DDHD1: variants seen among roughly 807,000 people sequenced by gnomAD.
DDHD1 encodes DDHD domain containing 1, also known as phospholipase DDHD1.
Under a neutral mutation model 96.4 loss-of-function variants are expected in DDHD1, and 49 were observed. The ratio of observed to expected loss-of-function variants is 0.51; its 90% CI spans 0.40 to 0.64. The LOEUF is 0.64. Among genes scored for constraint, DDHD1 ranks in the 30% least tolerant of loss-of-function variants. The pLI, the probability that DDHD1 is intolerant of heterozygous loss-of-function variation, is 0.00. For synonymous variants in DDHD1, 442 were observed against 446.5 expected (o/e 0.99, Z 0.13); for missense variants, 1,106 against 1,161.2 (o/e 0.95, Z 0.69).
At position 53,153,135 on chromosome 14, in the gene DDHD1, G is replaced by A. The variant is rs1387123741; in HGVS notation, c.-37C>T. On this transcript the variant is annotated 5_prime_UTR_variant, in exon 1 of 13. Coordinates refer to ENST00000673822, the MANE Select transcript of DDHD1 (RefSeq NM_001160148.2). ...GCCGCCGGCTGTCCGGCGGCGCGCG[G>A]AGCCGTGACCCCCAGCGCTTCCGCC... 7.3e-7 allele frequency: 1 copy of A among 1,363,196 alleles called. No homozygotes were observed. The highest frequency in any genetic ancestry group is 9.4e-7 in the Non-Finnish European group (1 of 1,066,206). 84.4% of individuals were successfully genotyped at this position (1,363,196 alleles called of 1,614,324 possible). A position where few individuals can be genotyped will look rare whatever the true frequency, so the allele number is the denominator to read the frequency against.
chr14:53,070,975 T>C (rs1181706821), intron 6 of DDHD1, among the ~76,000 whole-genome samples: 1 of 152,158 alleles, frequency 6.6e-6, no homozygotes, highest in Non-Finnish European at 1.5e-5. Flanking sequence ...CAGCAACACA[T>C]CTGTTTCAGC....
rs1595268132 is a variant in DDHD1, at chr14:53,144,374, T to C, written c.838+7887A>G. On this transcript the variant is annotated intron_variant, in intron 1 of 12. Transcript: ENST00000673822. ...CAGGTACACTTGTCTCATATGGTGTTAGCCATATAAGAAAGGTTCATTTCA... is the reference window on the plus strand; with the variant it reads ...CAGGTACACTTGTCTCATATGGTGTCAGCCATATAAGAAAGGTTCATTTCA... 2.6e-5 allele frequency among the ~76,000 whole-genome samples: 4 copies of C among 152,232 alleles called. No homozygotes were observed. In the South Asian group the frequency reaches 8.3e-4, roughly 32 times the overall value.
At position 53,152,803 on chromosome 14, in the gene DDHD1, G is replaced by T; in HGVS notation, c.296C>A (p.Ser99Ter). Residue 99 changes from serine to a stop codon, truncating the protein, a stop_gained, in exon 1 of 13, where the codon TCG becomes TAG. Transcript: ENST00000673822. LOFTEE classifies it high-confidence loss of function. ...YDFSSAESGS[S>*]LRYYSEGESG... ...CTCACCCTCGCTGTAGTAGCGCAGC[G>T]AGGAGCCCGACTCGGCGGAGCTGAA... is the stretch of plus-strand genomic sequence containing the variant. 3 of 1,609,170 alleles carry T rather than the reference G, an allele frequency of 1.9e-6. No individual in the cohort carries two copies. The highest frequency in any genetic ancestry group is 2.2e-5 in the East Asian group (1 of 44,502).
chr14:53,119,477 C>T (rs991814440), intron 1 of DDHD1, among the ~76,000 whole-genome samples: 1 of 152,096 alleles, frequency 6.6e-6, no homozygotes, highest in Non-Finnish European at 1.5e-5. Flanking sequence ...ATCCTGAAAC[C>T]AAAACCTGGC....
At chr14:53,149,567 G>A (rs946068928) in intron 1 of DDHD1, among the ~76,000 whole-genome samples, 1 of 152,162 alleles carries the variant, frequency 6.6e-6, no homozygotes, top group African/African-American at 2.4e-5. Flanking sequence ...TGTGAGAAAT[G>A]GCAAATTACA....
At chr14:53,099,765 C>A (rs1032443828) in intron 2 of DDHD1, among the ~76,000 whole-genome samples, 2 of 152,086 alleles carry the variant, frequency 1.3e-5, no homozygotes, top group African/African-American at 4.8e-5. Context: ...TGTTAAACTG[C>A]TAAACATTTT....
intron 12 of DDHD1, among the ~76,000 whole-genome samples, chr14:53,051,527 T>C (rs1882568754): frequency 1.3e-5 from 2 of 151,906 alleles, no homozygotes; most frequent in African/African-American, 2.4e-5. Context: ...TGAAAAGAAA[T>C]AGCAAACCTC....
intron 6 of DDHD1, among the ~76,000 whole-genome samples, chr14:53,065,628 A>G (rs2139882393): frequency 6.6e-6 from 1 of 152,326 alleles, no homozygotes; most frequent in African/African-American, 2.4e-5. Flanking sequence ...CTTTTCAGAA[A>G]TTATTAGGAA....
At chr14:53,127,337 A>G (rs1889529497) in intron 1 of DDHD1, among the ~76,000 whole-genome samples, 1 of 152,240 alleles carries the variant, frequency 6.6e-6, no homozygotes, top group Non-Finnish European at 1.5e-5. Flanking sequence ...AGGACTCAGG[A>G]GGCCTAGCCT....
chr14:53,053,182 G>T (rs534230727), intron 11 of DDHD1: 2 of 152,014 alleles, frequency 1.3e-5, no homozygotes, highest in Admixed American at 1.3e-4. Flanking sequence ...AAAATTCTTT[G>T]AAATTAATTT....
rs770954231 is a variant in DDHD1 at position 53,055,794 on chromosome 14, T to C, written c.2111A>G (p.Asn704Ser). ...PYEHMKPSFLNPAKEPTSVSE... is the reference protein window; with the variant it reads ...PYEHMKPSFLSPAKEPTSVSE... Reference sequence around the variant, plus strand: ...AACTGAGGTAGGTTCTTTAGCTGGGTTGAGAAAGCTTGGCTTCATATGTTC... The same window carrying C: ...AACTGAGGTAGGTTCTTTAGCTGGGCTGAGAAAGCTTGGCTTCATATGTTC... Residue 704 changes from asparagine (N) to serine (S), a missense_variant, in exon 10 of 13, where the codon AAC becomes AGC. Around this residue, in one of 2 missense-constraint regions of DDHD1, gnomAD observed 650 missense variants for 758.8 expected, o/e 0.86. Coordinates refer to ENST00000673822, the MANE Select transcript of DDHD1 (RefSeq NM_001160148.2). 3.1e-6 allele frequency: 5 copies of C among 1,614,092 alleles called. No homozygotes were observed. The highest frequency in any genetic ancestry group is 4.2e-6 in the Non-Finnish European group (5 of 1,180,002).
intron 1 of DDHD1, among the ~76,000 whole-genome samples, chr14:53,130,843 T>C (rs1013381724): frequency 6.6e-6 from 1 of 152,224 alleles, no homozygotes; most frequent in Non-Finnish European, 1.5e-5. Context: ...CCTTTCCAGA[T>C]CTTCTTAGCT....
intron 1 of DDHD1, among the ~76,000 whole-genome samples, chr14:53,144,965 C>T (rs554435126): frequency 5.3e-5 from 8 of 152,040 alleles, no homozygotes; most frequent in African/African-American, 1.9e-4. Context: ...GGCTTACCAA[C>T]ATGGTGAAAC....
intron 1 of DDHD1, among the ~76,000 whole-genome samples, chr14:53,146,707 T>C (rs1461017960): frequency 2.6e-5 from 4 of 152,220 alleles, no homozygotes; most frequent in Non-Finnish European, 5.9e-5. Flanking sequence ...AGTATCTGCA[T>C]TGTGGTTTTC....
At chr14:53,106,575 T>C (rs1887702604) in intron 1 of DDHD1, among the ~76,000 whole-genome samples, 1 of 152,130 alleles carries the variant, frequency 6.6e-6, no homozygotes, top group Non-Finnish European at 1.5e-5. Flanking sequence ...GAGAATTACT[T>C]GAACCTGGGA....
chr14:53,112,566 C>G (rs1888190625), intron 1 of DDHD1, among the ~76,000 whole-genome samples: 2 of 152,164 alleles, frequency 1.3e-5, no homozygotes, highest in Non-Finnish European at 2.9e-5. Flanking sequence ...TGCATGCTCT[C>G]CATGCCTATG....
At chr14:53,126,958 C>G (rs112475772) in intron 1 of DDHD1, among the ~76,000 whole-genome samples, 1 of 151,994 alleles carries the variant, frequency 6.6e-6, no homozygotes, top group East Asian at 1.9e-4. Context: ...AATTTAAGCT[C>G]TAACGGGTTG....
chr14:53,105,927 TTTTGTTCCAGTGG>T (rs1423290377), intron 1 of DDHD1, among the ~76,000 whole-genome samples: 1 of 151,756 alleles, frequency 6.6e-6, no homozygotes, highest in Non-Finnish European at 1.5e-5. Context: ...AATTTTAATT[TTTTGTTCCAGTGG>T]TTCTCTCTCT....
intron 3 of DDHD1, chr14:53,093,115 T>G (rs1886573455): frequency 2.7e-6 from 1 of 374,824 alleles, no homozygotes; most frequent in African/African-American, 2.1e-5. Context: ...GTCAAATCAT[T>G]CTAAATATAT....
Sources: gnomAD v4.1 joint callset for allele counts (sites outside exome capture counted in the v4.1 genomes callset) on GRCh38, gnomAD v4.1.1 for gene constraint, gnomAD v4.1.1 regional missense constraint, MANE v1.5 for transcripts, NCBI Gene and HGNC (gene_info 2026-07-23, HGNC 2026-07-21) for gene names.